The following HSD17B7 variants were observed in gnomAD, a reference collection of about 807,000 sequenced individuals.
HSD17B7 encodes 3-keto-steroid reductase/17-beta-hydroxysteroid dehydrogenase 7.
HSD17B7 carries 17 observed loss-of-function variants against 34.1 expected under a neutral mutation model. The ratio of observed to expected loss-of-function variants is 0.50; its 90% CI spans 0.34 to 0.75. The LOEUF (loss-of-function observed/expected upper bound fraction) is 0.75. HSD17B7 is among the 30% of genes least tolerant of loss of function. The pLI, the probability that HSD17B7 is intolerant of heterozygous loss-of-function variation, is 0.01. For synonymous variants in HSD17B7, 122 were observed against 154.6 expected (o/e 0.79, Z 1.56); for missense variants, 296 against 406.6 (o/e 0.73, Z 2.34).
At chr1:162,799,453 A>C (rs1362315603) in intron 4 of HSD17B7, 1 of 246,032 alleles carries the variant, frequency 4.1e-6, no homozygotes, top group African/African-American at 2.2e-5. Flanking sequence ...TTCTTTTATC[A>C]GAGAATGGTT....
intron 8 of HSD17B7, among the ~76,000 whole-genome samples, chr1:162,808,103 C>G (rs1320876392): frequency 1.3e-5 from 2 of 152,094 alleles, no homozygotes; most frequent in African/African-American, 4.8e-5. Context: ...GGTTTTAGGT[C>G]TAACATTTAA....
chr1:162,796,441 G>T, intron 2 of HSD17B7, 144 bp from the exon 3 acceptor site: 1 of 504,782 alleles, frequency 2.0e-6, no homozygotes, highest in Non-Finnish European at 3.5e-6. Flanking sequence ...TTCTGAACTT[G>T]CTGTGGCTAA....
At chr1:162,791,908 G>GGTGCT (rs1648422127) in intron 1 of HSD17B7, among the ~76,000 whole-genome samples, 1 of 152,150 alleles carries the variant, frequency 6.6e-6, no homozygotes, top group African/African-American at 2.4e-5. Context: ...CTTAAGTCTT[G>GGTGCT]AAAGAGAACT....
intron 2 of HSD17B7, among the ~76,000 whole-genome samples, chr1:162,796,358 T>C (rs1648610536): frequency 6.6e-6 from 1 of 152,168 alleles, no homozygotes; most frequent in Non-Finnish European, 1.5e-5. Context: ...AAGAAAGAAT[T>C]CTCAAATGTT....
chr1:162,792,609 C>T (rs945173157), intron 1 of HSD17B7, 50 bp from the exon 2 acceptor site: 1 of 1,578,004 alleles, frequency 6.3e-7, no homozygotes, highest in Non-Finnish European at 8.6e-7. Flanking sequence ...ATGCCTGTAC[C>T]TGATGCCATC....
intron 2 of HSD17B7, among the ~76,000 whole-genome samples, chr1:162,796,329 C>G (rs1169281487): frequency 6.6e-6 from 1 of 152,106 alleles, no homozygotes; most frequent in African/African-American, 2.4e-5. Context: ...TCCACAGATT[C>G]TGTTTGAAGC....
Position 162,799,726 on chromosome 1 carries a change from T to A in HSD17B7, c.448-17T>A. 1 of 1,607,496 alleles carries A rather than the reference T, an allele frequency of 6.2e-7. No homozygotes were observed. The highest frequency in any genetic ancestry group is 8.5e-7 in the Non-Finnish European group (1 of 1,176,216). ...CTGTCAGTATATTTTAATACTTTTT[T>A]TTTTTCTTTCACCCAGATTCGGGAA... On this transcript the variant is annotated splice_polypyrimidine_tract_variant and intron_variant, in intron 4 of 8. Coordinates refer to ENST00000254521, the MANE Select transcript of HSD17B7 (RefSeq NM_016371.4).
chr1:162,791,240 A>G (rs1648395870), intron 1 of HSD17B7, among the ~76,000 whole-genome samples: 1 of 151,992 alleles, frequency 6.6e-6, no homozygotes, highest in Non-Finnish European at 1.5e-5. Flanking sequence ...CCTTTTGCCT[A>G]CAAATTTGAA....
At chr1:162,800,007 A>G (rs535683784) in intron 5 of HSD17B7, 70 bp downstream of exon 5, 15 of 1,317,268 alleles carry the variant, frequency 1.1e-5, no homozygotes, top group East Asian at 2.5e-5. Flanking sequence ...TTGATTTCCT[A>G]ATAAGGTAGC....
chr1:162,793,887 AT>A (rs3215683), intron 2 of HSD17B7, among the ~76,000 whole-genome samples: 143,652 of 151,526 alleles, frequency 0.95, 68,405 homozygotes, highest in East Asian at 1. Flanking sequence ...CCTAAGGGGT[AT>A]TTTTTTTCCC....
At chr1:162,800,424 C>T (rs559856206) in intron 5 of HSD17B7, 10 of 382,540 alleles carry the variant, frequency 2.6e-5, no homozygotes, top group African/African-American at 1.3e-4. Context: ...ACCATGCTGC[C>T]GCCTAGTGTT....
At chr1:162,804,680 C>A (rs919024496) in intron 7 of HSD17B7, among the ~76,000 whole-genome samples, 1 of 152,156 alleles carries the variant, frequency 6.6e-6, no homozygotes, top group Non-Finnish European at 1.5e-5. Context: ...GGAGAAAGAG[C>A]ATTTTGTGGG....
At chr1:162,800,687 A>G (rs1388350785) in intron 5 of HSD17B7, among the ~76,000 whole-genome samples, 4 of 151,842 alleles carry the variant, frequency 2.6e-5, no homozygotes, top group African/African-American at 7.3e-5. Context: ...CGCCTTGGAC[A>G]TTTTCTTTTG....
Position 162,790,819 on chromosome 1 carries a change from A to C in HSD17B7, c.19A>C (p.Ile7Leu), listed in dbSNP as rs1339594346. The change falls in exon 1 of 9, where the codon ATC (isoleucine) becomes CTC (leucine). Residue 7 changes from isoleucine (I) to leucine (L), a missense_variant. Transcript: ENST00000254521. MRKVVL[I>L]TGASSGIGLA... ...CGCGAAGATGCGAAAGGTGGTTTTG[A>C]TCACCGGGGCTAGCAGGTGAGGCCT... 1 of 1,613,744 alleles carries C rather than the reference A, an allele frequency of 6.2e-7. No homozygotes were observed. Among genetic ancestry groups the C allele is most frequent in the Non-Finnish European group, 8.5e-7 (1 of 1,179,868 alleles).
intron 5 of HSD17B7, among the ~76,000 whole-genome samples, chr1:162,801,105 A>G (rs140395526): frequency 0.012 from 1,879 of 152,094 alleles, 28 homozygotes; most frequent in African/African-American, 0.043. Context: ...TCAGCTTCTC[A>G]AGTAGCTGGG....
intron 5 of HSD17B7, among the ~76,000 whole-genome samples, chr1:162,801,916 C>A (rs1648828265): frequency 6.6e-6 from 1 of 152,164 alleles, no homozygotes; most frequent in Admixed American, 6.6e-5. Flanking sequence ...GGGATTTTAT[C>A]TTTTACGAAG....
In HSD17B7 at chr1:162,792,962, G is replaced by A. The variant is rs550093390; in HGVS notation, c.239+100G>A. ...GAAAAACCTGAAAAGAAACAGGTGC[G>A]GTGTAAGCAGTTATGTTGAGGAAGT... On this transcript the variant is annotated intron_variant, in intron 2 of 8. Transcript: ENST00000254521. The A allele has an allele frequency of 1.2e-5, 14 of 1,159,966 alleles. No individual in the cohort carries two copies. The Middle Eastern group carries it at 5.8e-4, about 48-fold the overall frequency. 71.9% of individuals were successfully genotyped at this position (1,159,966 alleles called of 1,614,324 possible). A position where few individuals can be genotyped will look rare whatever the true frequency, so the allele number is the denominator to read the frequency against.
chr1:162,796,493 C>T lies in HSD17B7; in HGVS notation c.240-92C>T, dbSNP rs561148107. 6 of 747,580 alleles carry T rather than the reference C, an allele frequency of 8.0e-6. No homozygotes were observed. In the Admixed American group the frequency reaches 1.4e-4, roughly 17 times the overall value. The allele number at this position is 747,580 out of a possible 1,614,324, so 46.3% of individuals were successfully genotyped here. ...GTATTTTTTGTCTTTCTTAGGCCTC[C>T]TTGATTCTAGTCACTCTAGAGATAG... On this transcript the variant is annotated intron_variant, in intron 2 of 8. Transcript: ENST00000254521.
chr1:162,805,930 C>T lies in HSD17B7; in HGVS notation c.903+438C>T, dbSNP rs368932113. 1.6e-4 allele frequency among the ~76,000 whole-genome samples: 24 copies of T among 152,240 alleles called. No individual in the cohort carries two copies. In the East Asian group the frequency reaches 3.7e-3, roughly 23 times the overall value. On this transcript the variant is annotated intron_variant, in intron 8 of 8. Coordinates refer to ENST00000254521, the MANE Select transcript of HSD17B7 (RefSeq NM_016371.4). ...ACACATGGTAGACGCTCAGTAAATACGTTGCAAGTTGAATGAAATATGAAG... is the reference window on the plus strand; with the variant it reads ...ACACATGGTAGACGCTCAGTAAATATGTTGCAAGTTGAATGAAATATGAAG...
Sources: gnomAD v4.1 joint callset for allele counts (sites outside exome capture counted in the v4.1 genomes callset) on GRCh38, gnomAD v4.1.1 for gene constraint, MANE v1.5 for transcripts, NCBI Gene and HGNC (gene_info 2026-07-23, HGNC 2026-07-21) for gene names.